The following SLC25A48 variants were observed in gnomAD, a reference collection of about 807,000 sequenced individuals.
SLC25A48 encodes the protein solute carrier family 25 member 48, also known as CTC-321K16.1.
SLC25A48 carries 29 observed loss-of-function variants against 32.2 expected under a neutral mutation model. The observed-to-expected ratio is 0.90, with a 90% CI of 0.67 to 1.23. The LOEUF (loss-of-function observed/expected upper bound fraction) is 1.23, where lower values mean the gene tolerates loss of function less well. SLC25A48 is among the 50% of genes most tolerant of loss of function. SLC25A48 has a pLI of 0.00. For missense variants in SLC25A48, 399 were observed against 422.7 expected (o/e 0.94, Z 0.49); for synonymous variants, 164 against 172.3 (o/e 0.95, Z 0.38).
chr5:135,631,027 A>G (rs899854394), intron 2 of SLC25A48, among the ~76,000 whole-genome samples: 3 of 152,210 alleles, frequency 2.0e-5, no homozygotes, highest in Admixed American at 1.3e-4. Flanking sequence ...GACATGGAAT[A>G]TGCCAAAGCC....
intron 3 of SLC25A48, among the ~76,000 whole-genome samples, chr5:135,746,101 C>T (rs1755632396): frequency 1.3e-5 from 2 of 152,172 alleles, no homozygotes; most frequent in Non-Finnish European, 2.9e-5. Flanking sequence ...ACTTTTCATG[C>T]TCAGCGCCCT....
At chr5:135,836,106 T>A (rs554552046) in intron 1 of SLC25A48, among the ~76,000 whole-genome samples, 1 of 152,302 alleles carries the variant, frequency 6.6e-6, no homozygotes, top group South Asian at 2.1e-4. Context: ...GGCTGCCCCT[T>A]AAATAAGCAG....
chr5:135,648,134 G>A (rs1365020300), intron 3 of SLC25A48, among the ~76,000 whole-genome samples: 1 of 152,150 alleles, frequency 6.6e-6, no homozygotes. Flanking sequence ...TGCAGAGTTT[G>A]AATGAAAATC....
chr5:135,704,525 A>G (rs990202748), intron 3 of SLC25A48, among the ~76,000 whole-genome samples: 1 of 152,226 alleles, frequency 6.6e-6, no homozygotes, highest in Non-Finnish European at 1.5e-5. Flanking sequence ...CTATTTGGCC[A>G]GTTACTTTAT....
At chr5:135,669,503 G>A (rs189593892) in intron 3 of SLC25A48, among the ~76,000 whole-genome samples, 48 of 152,246 alleles carry the variant, frequency 3.2e-4, no homozygotes, top group Admixed American at 2.4e-3. Context: ...TGTGGGCAAC[G>A]GGATGTCACT....
intron 3 of SLC25A48, chr5:135,650,045 C>T (rs143686255): frequency 2.4e-4 from 39 of 162,638 alleles, no homozygotes; most frequent in Middle Eastern, 3.1e-3. Flanking sequence ...TCTCATAGTT[C>T]GCCCTTTTCT....
At position 135,852,822 on chromosome 5, in the gene SLC25A48, G is replaced by T. The variant is rs1197708797; in HGVS notation, c.421+1G>T. The T allele has an allele frequency of 1.2e-6, 2 of 1,601,796 alleles. No homozygotes were observed. The highest frequency in any genetic ancestry group is 1.7e-5 in the Admixed American group (1 of 59,792). ...ATGCAGACACAACCGTTTCGGGACG[G>T]TAAGAGGCCAGGGGAGCGGAGGCTG... On this transcript the variant is annotated splice_donor_variant, in intron 4 of 7. Transcript: ENST00000681962. LOFTEE classifies it high-confidence loss of function.
rs142690604 is a variant in SLC25A48 at position 135,680,790 on chromosome 5, T to C, written c.-521+45834T>C. Among the ~76,000 whole-genome samples the C allele has an allele frequency of 5.6e-3, 857 of 152,310 alleles. 8 individuals carry two copies. Among genetic ancestry groups the C allele is most frequent in the African/African-American group, 0.019 (786 of 41,560 alleles). On this transcript the variant is annotated intron_variant, in intron 3 of 10. Transcript: ENST00000646290. ...AGATTGTGGGAACTACGTTTCATGA[T>C]GTGATTTGGGTGGGGACACAGCCAA...
Position 135,771,585 on chromosome 5 carries a change from AG to A in SLC25A48, c.-520-40932del, listed in dbSNP as rs911734308. On this transcript the variant is annotated intron_variant, in intron 3 of 10. Coordinates refer to the SLC25A48 transcript ENST00000646290. ...TCCTGTGATATGGTTCCTAATATCT[AG>A]GGGGGAAGAGAATGATATTACTCTT... is the stretch of plus-strand genomic sequence containing the variant. Among the ~76,000 whole-genome samples the A allele has an allele frequency of 4.5e-4, 68 of 151,542 alleles. 1 individual carries two copies. The highest frequency in any genetic ancestry group is 1.6e-3 in the Admixed American group (24 of 15,142).
chr5:135,855,514 T>C (rs542978516), intron 4 of SLC25A48, among the ~76,000 whole-genome samples: 60 of 152,198 alleles, frequency 3.9e-4, no homozygotes, highest in Non-Finnish European at 7.1e-4. Context: ...TTAAGGTAGT[T>C]ACTCAAGAAC....
intron 3 of SLC25A48, among the ~76,000 whole-genome samples, chr5:135,646,759 AT>A (rs1490210026): frequency 6.6e-6 from 1 of 150,694 alleles, no homozygotes; most frequent in Non-Finnish European, 1.5e-5. Context: ...GAAAAGTGGA[AT>A]CTAAAAAAGT....
intron 3 of SLC25A48, among the ~76,000 whole-genome samples, chr5:135,806,313 T>C (rs1376526236): frequency 6.6e-6 from 1 of 151,748 alleles, no homozygotes; most frequent in Non-Finnish European, 1.5e-5. Context: ...ATCAATATTT[T>C]ATTAATATCA....
chr5:135,755,316 A>T (rs1348596791), intron 3 of SLC25A48, among the ~76,000 whole-genome samples: 1 of 152,120 alleles, frequency 6.6e-6, no homozygotes, highest in Non-Finnish European at 1.5e-5. Flanking sequence ...TGTAATAGTT[A>T]TCATATTTAG....
At chr5:135,777,696 T>G (rs2126617129) in intron 3 of SLC25A48, among the ~76,000 whole-genome samples, 1 of 151,706 alleles carries the variant, frequency 6.6e-6, no homozygotes, top group African/African-American at 2.4e-5. Flanking sequence ...CTGTGTAATA[T>G]TGTTCCTAAT....
intron 3 of SLC25A48, among the ~76,000 whole-genome samples, chr5:135,738,340 C>T (rs62364631): frequency 0.28 from 41,914 of 151,914 alleles, 6,002 homozygotes; most frequent in East Asian, 0.45. Flanking sequence ...CAAAATCTGT[C>T]CAATTAATTC....
At chr5:135,772,091 T>G (rs1756428636) in intron 3 of SLC25A48, among the ~76,000 whole-genome samples, 1 of 151,444 alleles carries the variant, frequency 6.6e-6, no homozygotes, top group Non-Finnish European at 1.5e-5. Flanking sequence ...CACCCTGTGA[T>G]ATTATTCATA....
chr5:135,875,572 G>C (rs921972814), intron 6 of SLC25A48: 2 of 152,242 alleles, frequency 1.3e-5, no homozygotes, highest in African/African-American at 4.8e-5. Flanking sequence ...GGGGCAATCC[G>C]ATTTGATGAA....
At position 135,874,262 on chromosome 5, in the gene SLC25A48, G is replaced by A. The variant is rs1561554672; in HGVS notation, c.813+108G>A. ...AAGGGAATCAGGAGACCAGGGGGCT[G>A]CTGGTGATTATGTATCAGGTGCCAC... On this transcript the variant is annotated intron_variant, in intron 6 of 7. Transcript: ENST00000681962. 23 of 1,271,204 alleles carry A rather than the reference G, an allele frequency of 1.8e-5. No homozygotes were observed. In the South Asian group the frequency reaches 1.9e-4, roughly 10 times the overall value. 78.7% of individuals were successfully genotyped at this position (1,271,204 alleles called of 1,614,324 possible).
intron 1 of SLC25A48, among the ~76,000 whole-genome samples, chr5:135,585,639 A>C (rs773861275): frequency 1.6e-4 from 24 of 152,222 alleles, no homozygotes; most frequent in Non-Finnish European, 2.9e-4. Context: ...GGATGAACGA[A>C]TGCAGGATGA....
Sources: allele counts gnomAD v4.1 joint callset (sites outside exome capture counted in the v4.1 genomes callset), GRCh38; gene constraint gnomAD v4.1.1; transcripts MANE v1.5; gene names NCBI Gene and HGNC (gene_info 2026-07-23, HGNC 2026-07-21).